The following TBL1X variants were observed in gnomAD, a reference collection of about 807,000 sequenced individuals.
TBL1X encodes the protein F-box-like/WD repeat-containing protein TBL1X.
A neutral mutation model predicts 50.7 loss-of-function variants in TBL1X; 10 were observed. The ratio of observed to expected loss-of-function variants is 0.20; its 90% confidence interval spans 0.12 to 0.33. The LOEUF (loss-of-function observed/expected upper bound fraction) is 0.33, where lower values mean the gene tolerates loss of function less well. Ranked by LOEUF, TBL1X falls within the 10% of genes least tolerant of loss-of-function variation. The pLI is 1.00. For synonymous variants in TBL1X, 190 were observed against 214.7 expected (o/e 0.88, Z 1.01); for missense variants, 340 against 504.4 (o/e 0.67, Z 3.12).
At chrX:9,593,329 G>T (rs2082511184) in intron 2 of TBL1X, among the ~76,000 whole-genome samples, 1 of 109,949 alleles carries the variant, frequency 9.1e-6, no homozygotes, top group Non-Finnish European at 1.9e-5. Context: ...TTGAACCCGG[G>T]AGGCAGAGGT....
intron 1 of TBL1X, among the ~76,000 whole-genome samples, chrX:9,479,740 G>A (rs2081869256): frequency 9.0e-6 from 1 of 111,616 alleles, no homozygotes; most frequent in Admixed American, 9.5e-5. Flanking sequence ...GGTAAGGTCT[G>A]GGGACACATG....
intron 2 of TBL1X, among the ~76,000 whole-genome samples, chrX:9,606,994 A>C (rs143844888): frequency 5.8e-4 from 65 of 112,700 alleles, no homozygotes; most frequent in African/African-American, 1.9e-3. Flanking sequence ...AAAATTATCA[A>C]GAATGTTTTC....
At chrX:9,464,805 G>A (rs950967074), upstream of TBL1X, among the ~76,000 whole-genome samples, 23 of 111,231 alleles carry the variant, frequency 2.1e-4, no homozygotes, top group African/African-American at 7.2e-4. Flanking sequence ...GGGGAGCGGG[G>A]CGGGCTTGGT....
At chrX:9,472,658 C>T (rs1057505872) in intron 1 of TBL1X, among the ~76,000 whole-genome samples, 1 of 109,888 alleles carries the variant, frequency 9.1e-6, no homozygotes, top group Non-Finnish European at 1.9e-5. Flanking sequence ...GTGGCTCATG[C>T]CCCCCAGCAC....
chrX:9,529,698 T>A (rs935988147), intron 2 of TBL1X, among the ~76,000 whole-genome samples: 7 of 107,611 alleles, frequency 6.5e-5, no homozygotes, highest in African/African-American at 2.4e-4. Flanking sequence ...ACCCCAGCAC[T>A]GTGGAATGCC....
At chrX:9,617,715 A>G (rs1377970402) in intron 2 of TBL1X, among the ~76,000 whole-genome samples, 1 of 112,348 alleles carries the variant, frequency 8.9e-6, no homozygotes, top group African/African-American at 3.2e-5. Context: ...AGTGATGCCC[A>G]TAAGAGTCTT....
intron 1 of TBL1X, among the ~76,000 whole-genome samples, chrX:9,494,851 A>G (rs893050430): frequency 8.9e-6 from 1 of 112,301 alleles, no homozygotes; most frequent in Non-Finnish European, 1.9e-5. Context: ...TTTCTTGGAA[A>G]TGTTTCCACA....
chrX:9,665,489 C>CCATATATATATATA (rs1491466889), intron 5 of TBL1X, among the ~76,000 whole-genome samples: 1 of 19,798 alleles, frequency 5.1e-5, no homozygotes, highest in African/African-American at 2.0e-4. Context: ...GATATTCAAG[C>CCATATATATATATA]TATATATATA....
chrX:9,693,092 TC>T lies in TBL1X; in HGVS notation c.892-56del. ...CCTCGGAGAGGCTCTCCGAGCTGCT[TC>T]GGTGCTGCCGCTCCTAAGTTGTTTT... On this transcript the variant is annotated intron_variant, in intron 9 of 17. Transcript: ENST00000645353. 3 of 1,181,108 alleles carry T rather than the reference TC, an allele frequency of 2.5e-6. No individual in the cohort carries two copies. In the South Asian group the frequency reaches 5.3e-5, roughly 21 times the overall value.
At chrX:9,542,261 A>G (rs1256594112) in intron 2 of TBL1X, among the ~76,000 whole-genome samples, 2 of 110,516 alleles carry the variant, frequency 1.8e-5, no homozygotes, top group East Asian at 5.7e-4. Context: ...TGCTTCTCCT[A>G]CCCTCAGGCC....
At chrX:9,633,188 G>A (rs2082729842) in intron 2 of TBL1X, among the ~76,000 whole-genome samples, 1 of 111,837 alleles carries the variant, frequency 8.9e-6, no homozygotes, top group Non-Finnish European at 1.9e-5. Flanking sequence ...GAACATTAAA[G>A]GTTAGGCCTA....
chrX:9,673,110 ACCT>A (rs1200137467), intron 5 of TBL1X, among the ~76,000 whole-genome samples: 1 of 112,054 alleles, frequency 8.9e-6, no homozygotes, highest in Non-Finnish European at 1.9e-5. Context: ...CAAAGGCCCC[ACCT>A]CCTAATGCCA....
chrX:9,499,615 C>T (rs942374962), intron 1 of TBL1X, among the ~76,000 whole-genome samples: 20 of 112,374 alleles, frequency 1.8e-4, no homozygotes, highest in Non-Finnish European at 3.0e-4. Flanking sequence ...AAGGGACAAA[C>T]GTTGGCCCCA....
chrX:9,546,538 C>A (rs934751226), intron 2 of TBL1X, among the ~76,000 whole-genome samples: 12 of 110,571 alleles, frequency 1.1e-4, no homozygotes, highest in Non-Finnish European at 1.5e-4. Flanking sequence ...AACAAAAAAA[C>A]CCCCAAAAAA....
intron 2 of TBL1X, among the ~76,000 whole-genome samples, chrX:9,556,990 C>T (rs958851366): frequency 9.0e-6 from 1 of 110,776 alleles, no homozygotes; most frequent in South Asian, 3.8e-4. Flanking sequence ...TCTTATGATC[C>T]AAGATAATTT....
At chrX:9,470,938 A>C (rs1419995312) in intron 1 of TBL1X, among the ~76,000 whole-genome samples, 1 of 112,196 alleles carries the variant, frequency 8.9e-6, no homozygotes, top group Non-Finnish European at 1.9e-5. Context: ...CCGACCTCTG[A>C]TGTCCTTTTA....
chrX:9,621,094 G>T (rs1180821164), intron 2 of TBL1X, among the ~76,000 whole-genome samples: 1 of 111,670 alleles, frequency 9.0e-6, no homozygotes, highest in Non-Finnish European at 1.9e-5. Context: ...GTGGGTGGAG[G>T]TCTCTGCTGT....
chrX:9,707,212 T>C (rs910594836), intron 13 of TBL1X, among the ~76,000 whole-genome samples: 1 of 110,736 alleles, frequency 9.0e-6, no homozygotes, highest in African/African-American at 3.3e-5. Context: ...CTTGTCCTGA[T>C]TCCCCTAATG....
intron 5 of TBL1X, among the ~76,000 whole-genome samples, chrX:9,679,392 G>C (rs1046432172): frequency 9.0e-6 from 1 of 111,223 alleles, no homozygotes; most frequent in African/African-American, 3.3e-5. Context: ...CAGCCATGCT[G>C]TGCTTGAGAA....
Sources: gnomAD v4.1 joint callset for allele counts (sites outside exome capture counted in the v4.1 genomes callset) on GRCh38, gnomAD v4.1.1 for gene constraint, MANE v1.5 for transcripts, NCBI Gene and HGNC (gene_info 2026-07-23, HGNC 2026-07-21) for gene names.